ANO1: variants seen among roughly 807,000 people sequenced by gnomAD.
The protein encoded by ANO1 is anoctamin-1.
In ANO1, 59 loss-of-function variants were observed where a neutral mutation model predicts 124.0. The observed-to-expected ratio is 0.48, with a 90% CI of 0.39 to 0.59. The LOEUF is 0.59. ANO1 is among the 20% of genes least tolerant of loss of function. ANO1 has a pLI of 0.00. For synonymous variants in ANO1, 529 were observed against 532.0 expected (o/e 0.99, Z 0.08); for missense variants, 1,059 against 1,328.0 (o/e 0.80, Z 3.15).
At chr11:70,153,004 A>G in intron 13 of ANO1, 53 bp from the exon 14 acceptor site, 1 of 1,506,558 alleles carries the variant, frequency 6.6e-7, no homozygotes. Context: ...CACGCTGAGG[A>G]GCTCAGACTC....
At chr11:70,116,362 G>C (rs1329165524) in intron 7 of ANO1, 96 bp from the exon 8 acceptor site, 1 of 1,247,156 alleles carries the variant, frequency 8.0e-7, no homozygotes, top group Non-Finnish European at 1.1e-6. Flanking sequence ...GTGTCAACGA[G>C]AGCTGCTGGG....
At chr11:70,087,651 CGAGTGAGTGAG>C (rs1212250482) in intron 1 of ANO1, 90 bp from the exon 2 acceptor site, 3 of 1,176,590 alleles carry the variant, frequency 2.5e-6, no homozygotes, top group Non-Finnish European at 3.5e-6. Flanking sequence ...GTTTGTTGAA[CGAGTGAGTGAG>C]GAGTGAGTGG....
chr11:70,143,281 G>T (rs182665195), intron 11 of ANO1, among the ~76,000 whole-genome samples: 71 of 152,340 alleles, frequency 4.7e-4, no homozygotes, highest in African/African-American at 1.7e-3. Flanking sequence ...AGTGTCAGAT[G>T]AAGCACCTGA....
At chr11:70,038,905 C>T (rs1022665356) in intron 1 of ANO1, among the ~76,000 whole-genome samples, 12 of 151,836 alleles carry the variant, frequency 7.9e-5, no homozygotes, top group East Asian at 7.7e-4. Context: ...GTATAACCTT[C>T]GGGAGAGAAA....
chr11:70,117,100 CTTTT>C (rs756764991), intron 8 of ANO1, among the ~76,000 whole-genome samples: 6 of 61,530 alleles, frequency 9.8e-5, no homozygotes, highest in South Asian at 5.3e-4. Context: ...TTGTTTCTTT[CTTTT>C]TTTTTTTTTT....
intron 1 of ANO1, among the ~76,000 whole-genome samples, chr11:70,030,579 G>A (rs957773083): frequency 6.6e-6 from 1 of 152,188 alleles, no homozygotes; most frequent in Admixed American, 6.5e-5. Flanking sequence ...CAGCGACGCT[G>A]GGCTGGTGGC....
rs12281654 is a variant in ANO1 at position 70,167,400 on chromosome 11, C to T, written c.2197+13C>T. The T allele has an allele frequency of 0.033, 52,490 of 1,606,064 alleles. 1,363 individuals are homozygous for T. The highest frequency in any genetic ancestry group is 0.13 in the African/African-American group (9,828 of 74,768). On this transcript the variant is annotated intron_variant, in intron 21 of 25. Transcript: ENST00000355303. The stretch of plus-strand genomic sequence containing the variant: ...TACATGGAAATGAGTGAGTGATGGC[C>T]GGGGCAGGCAGGTGACATCAGGATA...
intron 2 of ANO1, among the ~76,000 whole-genome samples, chr11:70,100,462 T>C (rs1320658478): frequency 6.6e-6 from 1 of 152,062 alleles, no homozygotes; most frequent in African/African-American, 2.4e-5. Context: ...GCTGGAGCGA[T>C]GTGGCCACAG....
At chr11:70,126,849 G>A (rs1414923859) in intron 10 of ANO1, among the ~76,000 whole-genome samples, 53 of 137,712 alleles carry the variant, frequency 3.8e-4, no homozygotes, top group African/African-American at 7.5e-4. Context: ...AGACGTGAAC[G>A]CTAGAGGCCT....
At chr11:70,172,774 GA>G (rs1392282456) in intron 22 of ANO1, among the ~76,000 whole-genome samples, 7 of 151,980 alleles carry the variant, frequency 4.6e-5, no homozygotes, top group African/African-American at 1.7e-4. Flanking sequence ...GCTGAGGCAG[GA>G]GAATTCCTTG....
intron 2 of ANO1, among the ~76,000 whole-genome samples, chr11:70,089,425 A>G (rs2044531858): frequency 2.0e-5 from 3 of 152,170 alleles, no homozygotes; most frequent in Admixed American, 2.0e-4. Context: ...GTTTTGTGAC[A>G]AGTAGATATG....
At chr11:70,062,561 G>A (rs374137146) in intron 1 of ANO1, among the ~76,000 whole-genome samples, 53 of 152,342 alleles carry the variant, frequency 3.5e-4, no homozygotes, top group Middle Eastern at 3.4e-3. Flanking sequence ...GTGAGCTGGG[G>A]GAGGGTTCAG....
At chr11:70,183,755 T>C (rs1475385991) in intron 24 of ANO1, among the ~76,000 whole-genome samples, 3 of 152,216 alleles carry the variant, frequency 2.0e-5, no homozygotes, top group Non-Finnish European at 4.4e-5. Context: ...AGCTCAGTGC[T>C]GAATAGGCCC....
At chr11:70,062,359 G>A (rs1308909977) in intron 1 of ANO1, among the ~76,000 whole-genome samples, 2 of 152,118 alleles carry the variant, frequency 1.3e-5, no homozygotes, top group Admixed American at 6.5e-5. Context: ...TTACAGGCGT[G>A]AGCCACCACG....
At chr11:70,018,359 T>C (rs1467742305) in intron 1 of ANO1, 2 of 151,960 alleles carry the variant, frequency 1.3e-5, no homozygotes, top group Admixed American at 6.6e-5. Flanking sequence ...CTTGTCTCTA[T>C]GAAAAAAAAA....
At chr11:70,101,882 AC>A (rs1236231481) in intron 2 of ANO1, among the ~76,000 whole-genome samples, 1 of 151,446 alleles carries the variant, frequency 6.6e-6, no homozygotes, top group Non-Finnish European at 1.5e-5. Context: ...CCTCTGTCTG[AC>A]CCCCAAGCCC....
Position 70,179,996 on chromosome 11 carries a change from T to C in ANO1, c.2351-8T>C. Reference sequence around the variant, plus strand: ...GCTCTTTAAAACTGTGACTTCTTCTTCCCCCAGGAATCTGGTACAATATCC... The same window carrying C: ...GCTCTTTAAAACTGTGACTTCTTCTCCCCCCAGGAATCTGGTACAATATCC... On this transcript the variant is annotated splice_polypyrimidine_tract_variant and splice_region_variant and intron_variant, in intron 22 of 25. Transcript: ENST00000355303. 6.2e-7 allele frequency: 1 copy of C among 1,611,816 alleles called. No homozygotes were observed. Among genetic ancestry groups the C allele is most frequent in the Non-Finnish European group, 8.5e-7 (1 of 1,178,046 alleles).
At position 70,155,932 on chromosome 11, in the gene ANO1, G is replaced by T; in HGVS notation, c.1447G>T (p.Glu483Ter). The change falls in exon 15 of 26, where the codon GAG (glutamate) becomes TAG (stop). Residue 483 changes from glutamate to a stop codon, truncating the protein, a stop_gained. Transcript: ENST00000355303. LOFTEE classifies it high-confidence loss of function. ...NKEKRRHIPEESTNKWKQRVK... is the reference protein window; with the variant it reads ...NKEKRRHIPE Reference sequence around the variant, plus strand: ...TCAGAAGCGCCGGCATATTCCAGAGGAGTCAACAAACAAATGGAAGCAGAG... The same window carrying T: ...TCAGAAGCGCCGGCATATTCCAGAGTAGTCAACAAACAAATGGAAGCAGAG... 1 of 1,543,600 alleles carries T rather than the reference G, an allele frequency of 6.5e-7. No individual in the cohort carries two copies. The highest frequency in any genetic ancestry group is 8.7e-7 in the Non-Finnish European group (1 of 1,144,186).
chr11:70,094,852 T>A (rs1324620033), intron 2 of ANO1, among the ~76,000 whole-genome samples: 1 of 152,228 alleles, frequency 6.6e-6, no homozygotes, highest in Admixed American at 6.5e-5. Flanking sequence ...ATTGGATGAC[T>A]TTTATCATGG....
Sources: allele counts gnomAD v4.1 joint callset (sites outside exome capture counted in the v4.1 genomes callset), GRCh38; gene constraint gnomAD v4.1.1; transcripts MANE v1.5; gene names NCBI Gene and HGNC (gene_info 2026-07-23, HGNC 2026-07-21).